The following MYO7A variants were observed in gnomAD, a reference collection of about 807,000 sequenced individuals.
The protein encoded by MYO7A is unconventional myosin-VIIa.
A neutral mutation model predicts 263.8 loss-of-function variants in MYO7A; 210 were observed. The observed-to-expected ratio is 0.80, with a 90% CI of 0.71 to 0.89. The LOEUF (loss-of-function observed/expected upper bound fraction) is 0.89. MYO7A is among the 40% of genes least tolerant of loss of function. The pLI is 0.00. For synonymous variants in MYO7A, 1,239 were observed against 1,197.3 expected, an observed-to-expected ratio of 1.03 and a Z score of -0.72; for missense variants, 2,820 against 2,968.3, an observed-to-expected ratio of 0.95 and a Z score of 1.16.
At chr11:77,208,339 G>A in intron 42 of MYO7A, 91 bp from the exon 43 acceptor site, 1 of 1,007,892 alleles carries the variant, frequency 9.9e-7, no homozygotes, top group Non-Finnish European at 1.5e-6. Flanking sequence ...TCTTCCCTGA[G>A]AAGGAGCAGC....
In MYO7A at chr11:77,157,354, G is replaced by A. The variant is rs1555064171; in HGVS notation, c.811G>A (p.Gly271Ser). Residue 271 changes from glycine to serine, a missense_variant, in exon 8 of 49, where the codon GGC becomes AGC. Coordinates refer to ENST00000409709, the MANE Select transcript of MYO7A (RefSeq NM_000260.4). ...GAGTGAGGATCAGAAGAAGAAGCTG[G>A]GCTTGGGCCAGGCCTCTGACTACAA... ...GMSEDQKKKL[G>S]LGQASDYNYL... 1 of 1,611,774 alleles carries A rather than the reference G, an allele frequency of 6.2e-7. No individual in the cohort carries two copies. The highest frequency in any genetic ancestry group is 1.1e-5 in the South Asian group (1 of 90,380).
chr11:77,192,963 TGATGGTGGAGGTAGTTG>T (rs1956253324), intron 31 of MYO7A, among the ~76,000 whole-genome samples: 1 of 13,148 alleles, frequency 7.6e-5, no homozygotes, highest in African/African-American at 4.1e-4. Context: ...ATGGTGTTGG[TGATGGTGGAGGTAGTTG>T]TGATGGTGGA....
At chr11:77,203,640 G>C (rs1398766573) in intron 38 of MYO7A, among the ~76,000 whole-genome samples, 1 of 152,172 alleles carries the variant, frequency 6.6e-6, no homozygotes, top group East Asian at 1.9e-4. Context: ...GCCAGGCAAA[G>C]GGGAGGGAGG....
chr11:77,159,593 G>A, intron 10 of MYO7A, 70 bp downstream of exon 10: 3 of 1,466,136 alleles, frequency 2.0e-6, no homozygotes, highest in South Asian at 2.3e-5. Flanking sequence ...GCTCATTGGG[G>A]GCTGGGATGT....
chr11:77,211,028 A>T, intron 44 of MYO7A, 124 bp from the exon 45 acceptor site: 1 of 827,660 alleles, frequency 1.2e-6, no homozygotes, highest in African/African-American at 1.7e-5. Context: ...GAGGCTGGAG[A>T]GGTGGGTGGG....
intron 43 of MYO7A, 48 bp from the exon 44 acceptor site, chr11:77,208,649 C>T: frequency 1.3e-6 from 2 of 1,515,918 alleles, no homozygotes; most frequent in Non-Finnish European, 1.8e-6. Flanking sequence ...GACGTGAGCA[C>T]TCCTCTGTGC....
At chr11:77,182,804 G>A (rs1955362201) in intron 25 of MYO7A, among the ~76,000 whole-genome samples, 2 of 152,248 alleles carry the variant, frequency 1.3e-5, no homozygotes, top group African/African-American at 4.8e-5. Context: ...GACCATAACT[G>A]AGGGGCCTCA....
Position 77,206,081 on chromosome 11 carries a change from C to CCTGCTGCCT in MYO7A, c.5637-15_5637-7dup, listed in dbSNP as rs752069610. ...TCCCACGCACATGCCCCCTGCTGCCCCTGCTGCCTTTTCAGAAACGGGTCC... is the reference window on the plus strand; with the variant it reads ...TCCCACGCACATGCCCCCTGCTGCCCCTGCTGCCTCTGCTGCCTTTTCAGAAACGGGTCC... On this transcript the variant is annotated splice_polypyrimidine_tract_variant and intron_variant, in intron 40 of 48. Transcript: ENST00000409709. 16 of 1,598,180 alleles carry CCTGCTGCCT rather than the reference C, an allele frequency of 1.0e-5. No individual in the cohort carries two copies. The highest frequency in any genetic ancestry group is 1.4e-5 in the Non-Finnish European group (16 of 1,171,664).
At position 77,199,868 on chromosome 11, in the gene MYO7A, T is replaced by G. The variant is rs573219837; in HGVS notation, c.4852+50T>G. On this transcript the variant is annotated intron_variant, in intron 35 of 48. Transcript: ENST00000409709. ...CCTGGCACTGGGGGTCAGGGTGTTA[T>G]GCAGACTGTCTTAGTCCATTTGTGT... 71 of 1,498,776 alleles carry G rather than the reference T, an allele frequency of 4.7e-5. No individual in the cohort carries two copies. The African/African-American group carries it at 5.8e-4, about 12-fold the overall frequency. 92.8% of individuals were successfully genotyped at this position (1,498,776 alleles called of 1,614,324 possible).
Position 77,202,364 on chromosome 11 carries a change from C to T in MYO7A, c.5108C>T (p.Ala1703Val), listed in dbSNP as rs199561332. 2.6e-4 allele frequency: 408 copies of T among 1,565,632 alleles called. 1 individual carries two copies. The highest frequency in any genetic ancestry group is 8.7e-4 in the Admixed American group (46 of 53,062). Reference sequence around the variant, plus strand: ...GTCCGGCTCTTGCAGCTGCGAACGGCGGAGCCCGAGGTGCGTGCCAAGCCC... The same window carrying T: ...GTCCGGCTCTTGCAGCTGCGAACGGTGGAGCCCGAGGTGCGTGCCAAGCCC... The part of the protein sequence containing the change: ...DVVRLLQLRT[A>V]EPEVRAKPYT... Residue 1703 changes from alanine to valine, a missense_variant, in exon 37 of 49, where the codon GCG becomes GTG. Coordinates refer to ENST00000409709, the MANE Select transcript of MYO7A (RefSeq NM_000260.4).
intron 9 of MYO7A, among the ~76,000 whole-genome samples, chr11:77,158,873 G>T (rs1555066415): frequency 3.9e-5 from 6 of 152,222 alleles, no homozygotes. Flanking sequence ...GTGCCAGGCT[G>T]GGAGGTGATC....
chr11:77,156,522 C>T lies in MYO7A; in HGVS notation c.471-138C>T, dbSNP rs560893354. On this transcript the variant is annotated intron_variant, in intron 5 of 48. Transcript: ENST00000409709. ...TGGAGCACTGGGCCCTTGAGCCCTG[C>T]CCCAGCCCTGGAGGGTCCGTATTGT... is the stretch of plus-strand genomic sequence containing the variant. The T allele has an allele frequency of 1.2e-5, 15 of 1,265,700 alleles. No homozygotes were observed. The East Asian group carries it at 3.3e-4, about 28-fold the overall frequency. The allele number at this position is 1,265,700 out of a possible 1,614,324, so 78.4% of individuals were successfully genotyped here. A position where few individuals can be genotyped will look rare whatever the true frequency, so the allele number is the denominator to read the frequency against.
In MYO7A at chr11:77,190,810, C is replaced by T. The variant is rs144657938; in HGVS notation, c.3864C>T (p.Ala1288=). The stretch of plus-strand genomic sequence containing the variant: ...CCAAGGAGCTCTGCAACGCGCTGGC[C>T]GACAAGATCTCTCTCAAGGACCGGT... ...TTAKELCNAL[A]DKISLKDRFG... The change falls in exon 30 of 49, where the codon GCC becomes GCT. Residue 1288 remains alanine (A), a synonymous_variant. Transcript: ENST00000409709. 2.6e-4 allele frequency: 410 copies of T among 1,591,688 alleles called. No individual in the cohort carries two copies. In the African/African-American group the frequency reaches 4.4e-3, roughly 17 times the overall value.
At chr11:77,139,309 C>T (rs1951063790) in intron 2 of MYO7A, 1 of 152,256 alleles carries the variant, frequency 6.6e-6, no homozygotes, top group Admixed American at 6.5e-5. Flanking sequence ...AACATTCGAA[C>T]AGACCCATTC....
chr11:77,173,767 C>T (rs1247283888), intron 16 of MYO7A, among the ~76,000 whole-genome samples: 1 of 152,134 alleles, frequency 6.6e-6, no homozygotes, highest in Non-Finnish European at 1.5e-5. Context: ...CCTGCTGCCT[C>T]CTGCCTGGAA....
intron 15 of MYO7A, among the ~76,000 whole-genome samples, chr11:77,168,919 C>CATAT (rs1953823021): frequency 6.6e-6 from 1 of 152,182 alleles, no homozygotes; most frequent in Non-Finnish European, 1.5e-5. Context: ...TGTCTAAGGC[C>CATAT]ATATACAAGC....
chr11:77,175,447 AC>A lies in MYO7A; in HGVS notation c.2172del (p.Lys725ArgfsTer4), dbSNP rs397516294. ...CCACGATGACTGGCAGATAGGCAAA[AC>A]CAAGATCTTTCTGAAGGTGAGCACA... The part of the protein sequence containing the change: ...GTHDDWQIGK[T>X]KIFLKDHHDM... On this transcript the variant is annotated frameshift_variant, in exon 18 of 49. Transcript: ENST00000409709. LOFTEE classifies it high-confidence loss of function. The A allele has an allele frequency of 1.2e-6, 2 of 1,613,166 alleles. No individual in the cohort carries two copies. The highest frequency in any genetic ancestry group is 1.7e-6 in the Non-Finnish European group (2 of 1,179,870).
intron 42 of MYO7A, 42 bp from the exon 43 acceptor site, chr11:77,208,388 G>T: frequency 6.8e-7 from 1 of 1,477,118 alleles, no homozygotes; most frequent in Non-Finnish European, 9.4e-7. Context: ...AGAAAATGCA[G>T]TGTTGCTTAA....
At chr11:77,211,408 G>A (rs1435840806) in intron 45 of MYO7A, 71 bp downstream of exon 45, 1 of 1,451,830 alleles carries the variant, frequency 6.9e-7, no homozygotes, top group East Asian at 2.5e-5. Flanking sequence ...GGGCCAAGGG[G>A]GCAGACACTG....
Sources: gnomAD v4.1 joint callset for allele counts (sites outside exome capture counted in the v4.1 genomes callset) on GRCh38, gnomAD v4.1.1 for gene constraint, MANE v1.5 for transcripts, NCBI Gene and HGNC (gene_info 2026-07-23, HGNC 2026-07-21) for gene names.